AUTS2: variants seen among roughly 807,000 people sequenced by gnomAD.
AUTS2 encodes the protein autism susceptibility gene 2 protein.
Under a neutral mutation model 112.4 loss-of-function variants are expected in AUTS2, and 17 were observed. The observed-to-expected ratio is 0.15, with a 90% CI of 0.10 to 0.23. The LOEUF is 0.23. AUTS2 is among the 10% of genes least tolerant of loss of function. The pLI is 1.00. For missense variants in AUTS2, 1,510 were observed against 1,701.6 expected (o/e 0.89, Z 1.98); for synonymous variants, 751 against 702.7 (o/e 1.07, Z -1.09).
At chr7:70,519,351 A>G (rs951113368) in intron 5 of AUTS2, among the ~76,000 whole-genome samples, 1 of 152,186 alleles carries the variant, frequency 6.6e-6, no homozygotes, top group Admixed American at 6.5e-5. Flanking sequence ...TGAAAGGGAA[A>G]TCTCCTCTGA....
At chr7:70,362,697 A>G (rs1407555600) in intron 4 of AUTS2, among the ~76,000 whole-genome samples, 1 of 147,302 alleles carries the variant, frequency 6.8e-6, no homozygotes, top group East Asian at 2.0e-4. Flanking sequence ...TTTATTTTTT[A>G]ATCAGAAAGT....
At chr7:69,798,094 G>A (rs1789926410) in intron 1 of AUTS2, among the ~76,000 whole-genome samples, 1 of 152,052 alleles carries the variant, frequency 6.6e-6, no homozygotes, top group African/African-American at 2.4e-5. Context: ...TTCTAGTGAT[G>A]GGCTTCTGTC....
At chr7:70,734,235 C>T (rs1787640536) in intron 6 of AUTS2, among the ~76,000 whole-genome samples, 1 of 151,954 alleles carries the variant, frequency 6.6e-6, no homozygotes, top group South Asian at 2.1e-4. Flanking sequence ...GTCAGGAGAT[C>T]AAGACCATCC....
chr7:69,678,128 TG>T (rs1796639056), intron 1 of AUTS2, among the ~76,000 whole-genome samples: 2 of 152,232 alleles, frequency 1.3e-5, no homozygotes, highest in South Asian at 4.2e-4. Flanking sequence ...CTATGAAATC[TG>T]GAAGTGCTCA....
intron 6 of AUTS2, among the ~76,000 whole-genome samples, chr7:70,732,724 C>A (rs1019245781): frequency 1.1e-4 from 16 of 152,216 alleles, no homozygotes; most frequent in Non-Finnish European, 5.9e-5. Flanking sequence ...AGATTCCAAA[C>A]TCTCTCAATT....
At position 69,767,608 on chromosome 7, in the gene AUTS2, T is replaced by C. The variant is rs1272387154; in HGVS notation, c.310-131678T>C. ...GACCAAAATAAGGGGGCATTTGCCT[T>C]TTCTGTCAGTGCAGAACCAATAGGG... On this transcript the variant is annotated intron_variant, in intron 1 of 18. Coordinates refer to ENST00000342771, the MANE Select transcript of AUTS2 (RefSeq NM_015570.4). 2.6e-5 allele frequency among the ~76,000 whole-genome samples: 4 copies of C among 152,244 alleles called. No individual in the cohort carries two copies. In the East Asian group the frequency reaches 7.7e-4, roughly 29 times the overall value.
intron 1 of AUTS2, among the ~76,000 whole-genome samples, chr7:69,809,652 G>T (rs1790459578): frequency 6.6e-6 from 1 of 152,160 alleles, no homozygotes; most frequent in Admixed American, 6.5e-5. Context: ...ACCCTAGAGA[G>T]AGAGTAACAC....
chr7:69,835,437 T>G (rs1262172019), intron 1 of AUTS2, among the ~76,000 whole-genome samples: 3 of 152,178 alleles, frequency 2.0e-5, no homozygotes, highest in African/African-American at 7.2e-5. Flanking sequence ...GAGAGGCCAC[T>G]AGACAAGATG....
chr7:70,042,224 A>G (rs1051051176), intron 2 of AUTS2, among the ~76,000 whole-genome samples: 6 of 151,114 alleles, frequency 4.0e-5, no homozygotes, highest in African/African-American at 1.5e-4. Context: ...TATTAGAACA[A>G]TCTTACTTGA....
intron 2 of AUTS2, among the ~76,000 whole-genome samples, chr7:70,016,668 ATTTTTTT>A (rs1011719036): frequency 1.3e-4 from 19 of 140,798 alleles, no homozygotes; most frequent in Admixed American, 1.0e-3. Flanking sequence ...GCCTTGACAG[ATTTTTTT>A]TTTTTTTTTT....
At chr7:70,009,485 T>C (rs142242107) in intron 2 of AUTS2, among the ~76,000 whole-genome samples, 1 of 152,334 alleles carries the variant, frequency 6.6e-6, no homozygotes, top group African/African-American at 2.4e-5. Context: ...GTGGGCTGTA[T>C]TCTTTTGCCA....
intron 2 of AUTS2, among the ~76,000 whole-genome samples, chr7:69,928,641 T>C (rs931816277): frequency 1.3e-5 from 2 of 152,176 alleles, no homozygotes; most frequent in African/African-American, 4.8e-5. Flanking sequence ...CTTTGCTCCA[T>C]GCTGCATTAG....
intron 1 of AUTS2, among the ~76,000 whole-genome samples, chr7:69,668,027 C>T (rs1232814090): frequency 6.6e-6 from 1 of 152,024 alleles, no homozygotes; most frequent in Non-Finnish European, 1.5e-5. Flanking sequence ...TTGAGGCTTA[C>T]TGTCACATGA....
At chr7:70,300,456 T>C (rs1237344254) in intron 4 of AUTS2, among the ~76,000 whole-genome samples, 1 of 152,170 alleles carries the variant, frequency 6.6e-6, no homozygotes, top group Non-Finnish European at 1.5e-5. Flanking sequence ...TTAGTGTGCC[T>C]ACCTGCAGGT....
rs1791918450 is a variant in AUTS2 at position 70,354,797 on chromosome 7, C to A, written c.661-80955C>A. Among the ~76,000 whole-genome samples, 3 of 152,254 alleles carry A rather than the reference C, an allele frequency of 2.0e-5. No individual in the cohort carries two copies. In the South Asian group the frequency reaches 6.2e-4, roughly 32 times the overall value. ...TGTCTCGTTAAGAATGTGTTCATAC[C>A]AATTACATGTTGAAGTGATAATATT... is the stretch of plus-strand genomic sequence containing the variant. On this transcript the variant is annotated intron_variant, in intron 4 of 18. Transcript: ENST00000342771.
chr7:69,938,859 G>A (rs746146324), intron 2 of AUTS2, among the ~76,000 whole-genome samples: 5 of 152,196 alleles, frequency 3.3e-5, no homozygotes, highest in Non-Finnish European at 7.3e-5. Context: ...GGACTGCTAC[G>A]ATAAGCCAGC....
intron 1 of AUTS2, among the ~76,000 whole-genome samples, chr7:69,887,122 G>T (rs1413728252): frequency 6.6e-6 from 1 of 152,036 alleles, no homozygotes; most frequent in Non-Finnish European, 1.5e-5. Flanking sequence ...CTTATTGATT[G>T]TCTTCCTGGG....
In AUTS2 at chr7:69,908,845, G is replaced by A. The variant is rs1795247531; in HGVS notation, c.522+9347G>A. ...CAATTAGCTACATATTCTGAGTAGG[G>A]AACATACAGAATAATGTTTCTCAAA... On this transcript the variant is annotated intron_variant, in intron 2 of 18. Transcript: ENST00000342771. 2.0e-5 allele frequency among the ~76,000 whole-genome samples: 3 copies of A among 152,152 alleles called. No homozygotes were observed. In the South Asian group the frequency reaches 6.2e-4, roughly 32 times the overall value.
intron 5 of AUTS2, among the ~76,000 whole-genome samples, chr7:70,570,222 G>A (rs1420466963): frequency 2.6e-5 from 4 of 152,116 alleles, no homozygotes; most frequent in South Asian, 2.1e-4. Context: ...TTAAATCCTC[G>A]CTCACTCCTG....
Sources: gnomAD v4.1 joint callset for allele counts (sites outside exome capture counted in the v4.1 genomes callset) on GRCh38, gnomAD v4.1.1 for gene constraint, MANE v1.5 for transcripts, NCBI Gene and HGNC (gene_info 2026-07-23, HGNC 2026-07-21) for gene names.